NAALADL2: variants seen among roughly 807,000 people sequenced by gnomAD.
The protein encoded by NAALADL2 is inactive N-acetylated-alpha-linked acidic dipeptidase-like protein 2.
NAALADL2 carries 76 observed loss-of-function variants against 87.2 expected under a neutral mutation model. That is an observed-to-expected ratio of 0.87 (90% CI 0.72 to 1.05). NAALADL2 has a LOEUF of 1.05. NAALADL2 is among the 50% of genes least tolerant of loss of function. NAALADL2 has a pLI of 0.00. For missense variants in NAALADL2, 1,089 were observed against 945.8 expected (o/e 1.15, Z -1.99); for synonymous variants, 354 against 331.0 (o/e 1.07, Z -0.75).
intron 1 of NAALADL2, among the ~76,000 whole-genome samples, chr3:175,048,925 T>A (rs1755016919): frequency 6.6e-6 from 1 of 152,140 alleles, no homozygotes; most frequent in Non-Finnish European, 1.5e-5. Flanking sequence ...ATATGTTGCT[T>A]TAGACAAACC....
In NAALADL2 at chr3:175,608,973, G is replaced by A. The variant is rs903043787; in HGVS notation, c.1801-18318G>A. Among the ~76,000 whole-genome samples the A allele has an allele frequency of 4.9e-5, 7 of 144,036 alleles. No individual in the cohort carries two copies. The South Asian group carries it at 6.8e-4, about 14-fold the overall frequency. 94.5% of individuals were successfully genotyped at this position (144,036 alleles called of 152,430 possible). A position where few individuals can be genotyped will look rare whatever the true frequency, so the allele number is the denominator to read the frequency against. On this transcript the variant is annotated intron_variant, in intron 10 of 13. Coordinates refer to ENST00000454872, the MANE Select transcript of NAALADL2 (RefSeq NM_207015.3). ...CATAAAACATACCAAAGAGATAATCGTCTTGATCCAAGGCCCAGTGTGATT... is the reference window on the plus strand; with the variant it reads ...CATAAAACATACCAAAGAGATAATCATCTTGATCCAAGGCCCAGTGTGATT...
intron 5 of NAALADL2, among the ~76,000 whole-genome samples, chr3:175,366,778 G>A (rs1317013069): frequency 6.6e-6 from 1 of 151,092 alleles, no homozygotes; most frequent in East Asian, 1.9e-4. Context: ...CAGATGAGTA[G>A]GTTGCGAAAA....
At chr3:174,558,941 A>G (rs1032742956) in intron 2 of NAALADL2, among the ~76,000 whole-genome samples, 1 of 152,140 alleles carries the variant, frequency 6.6e-6, no homozygotes, top group Non-Finnish European at 1.5e-5. Context: ...ATGACATAAA[A>G]TAGAGTTGCC....
chr3:175,217,251 A>G (rs1368523558), intron 2 of NAALADL2, among the ~76,000 whole-genome samples: 1 of 152,226 alleles, frequency 6.6e-6, no homozygotes, highest in African/African-American at 2.4e-5. Flanking sequence ...GCATATAAAA[A>G]TCAAGACATT....
intron 1 of NAALADL2, among the ~76,000 whole-genome samples, chr3:174,520,058 T>C (rs1259318345): frequency 6.6e-6 from 1 of 152,084 alleles, no homozygotes; most frequent in Non-Finnish European, 1.5e-5. Flanking sequence ...ATGAAAGAAA[T>C]TGTGGATGAT....
intron 1 of NAALADL2, among the ~76,000 whole-genome samples, chr3:175,006,117 C>T (rs1480070163): frequency 1.3e-5 from 2 of 152,238 alleles, no homozygotes; most frequent in East Asian, 3.9e-4. Flanking sequence ...ACCTGGAATG[C>T]CTTTTCCCTT....
At chr3:175,419,266 A>T (rs1715234495) in intron 5 of NAALADL2, among the ~76,000 whole-genome samples, 1 of 151,970 alleles carries the variant, frequency 6.6e-6, no homozygotes, top group Non-Finnish European at 1.5e-5. Flanking sequence ...GATAAATTGA[A>T]TTAGGTTTAA....
intron 5 of NAALADL2, among the ~76,000 whole-genome samples, chr3:175,352,121 A>G (rs919552203): frequency 2.6e-5 from 4 of 151,940 alleles, no homozygotes; most frequent in Admixed American, 1.3e-4. Context: ...TGGCTCTCAA[A>G]CATGCTCTAT....
intron 3 of NAALADL2, among the ~76,000 whole-genome samples, chr3:174,812,024 C>T (rs1018331808): frequency 1.3e-5 from 2 of 152,134 alleles, no homozygotes; most frequent in African/African-American, 4.8e-5. Flanking sequence ...CTTTGCCTTC[C>T]ACCATGAGTA....
chr3:175,173,074 T>C (rs1163888809), intron 2 of NAALADL2, among the ~76,000 whole-genome samples: 1 of 151,876 alleles, frequency 6.6e-6, no homozygotes, highest in Non-Finnish European at 1.5e-5. Flanking sequence ...GTGGATCTCC[T>C]GAGCTCAGGA....
intron 5 of NAALADL2, among the ~76,000 whole-genome samples, chr3:175,374,873 C>CAAAT (rs35005055): frequency 0.022 from 3,210 of 147,090 alleles, 44 homozygotes; most frequent in East Asian, 0.033. Flanking sequence ...GACCCTGTCG[C>CAAAT]AAATAAATAA....
chr3:174,826,940 T>C (rs1722065996), intron 3 of NAALADL2, among the ~76,000 whole-genome samples: 1 of 152,186 alleles, frequency 6.6e-6, no homozygotes, highest in Admixed American at 6.5e-5. Context: ...CAGCTAACTT[T>C]AGCCTAAATT....
intron 1 of NAALADL2, among the ~76,000 whole-genome samples, chr3:174,962,412 CATATATATAT>C (rs59026426): frequency 1.1e-5 from 1 of 89,098 alleles, no homozygotes; most frequent in Non-Finnish European, 2.1e-5. Flanking sequence ...GTGACTATGA[CATATATATAT>C]ATATATATAT....
chr3:174,590,270 A>G (rs1324093758), intron 2 of NAALADL2, among the ~76,000 whole-genome samples: 1 of 152,096 alleles, frequency 6.6e-6, no homozygotes. Context: ...AAAACTATGC[A>G]GTTAATTCTT....
At chr3:174,450,963 A>G (rs554560516) in intron 1 of NAALADL2, among the ~76,000 whole-genome samples, 2 of 151,928 alleles carry the variant, frequency 1.3e-5, no homozygotes, top group African/African-American at 4.8e-5. Flanking sequence ...CATCAGTTCT[A>G]TGAGACAACT....
chr3:175,433,468 C>T (rs974547906), intron 5 of NAALADL2, among the ~76,000 whole-genome samples: 2 of 151,954 alleles, frequency 1.3e-5, no homozygotes, highest in Non-Finnish European at 2.9e-5. Flanking sequence ...GTCCTGCACA[C>T]GGGAACTAAC....
chr3:175,419,391 A>T (rs1335468701), intron 5 of NAALADL2, among the ~76,000 whole-genome samples: 1 of 151,898 alleles, frequency 6.6e-6, no homozygotes, highest in Non-Finnish European at 1.5e-5. Context: ...TATAGCAAAA[A>T]TTATATAAAA....
chr3:175,794,775 T>C (rs1006241716), intron 13 of NAALADL2, among the ~76,000 whole-genome samples: 1 of 152,230 alleles, frequency 6.6e-6, no homozygotes, highest in Non-Finnish European at 1.5e-5. Context: ...CTCTTCAAGA[T>C]GATAATTCAT....
At chr3:174,693,780 C>T (rs1728792952) in intron 2 of NAALADL2, among the ~76,000 whole-genome samples, 1 of 152,098 alleles carries the variant, frequency 6.6e-6, no homozygotes, top group South Asian at 2.1e-4. Flanking sequence ...ACAATAATGA[C>T]ATTTGCGTGG....
Sources: allele counts gnomAD v4.1 joint callset (sites outside exome capture counted in the v4.1 genomes callset), GRCh38; gene constraint gnomAD v4.1.1; transcripts MANE v1.5; gene names NCBI Gene and HGNC (gene_info 2026-07-23, HGNC 2026-07-21).